Variants in MTMR1 observed in about 807,000 individuals in gnomAD.
The protein encoded by MTMR1 is myotubularin related protein 1.
MTMR1 carries 17 observed loss-of-function variants against 51.6 expected under a neutral mutation model. The ratio of observed to expected loss-of-function variants is 0.33; its 90% CI spans 0.23 to 0.49. The LOEUF is 0.49. Ranked by LOEUF, MTMR1 falls within the 20% of genes least tolerant of loss-of-function variation. The pLI is 0.99. For synonymous variants in MTMR1, 201 were observed against 205.6 expected (o/e 0.98, Z 0.19); for missense variants, 386 against 526.9 (o/e 0.73, Z 2.62).
chrX:150,759,461 T>C (rs1466652206), intron 15 of MTMR1, among the ~76,000 whole-genome samples: 4 of 109,038 alleles, frequency 3.7e-5, no homozygotes, highest in African/African-American at 1.3e-4. Flanking sequence ...ATGCCTGATC[T>C]GGAGTGCCTT....
rs2043247602 is a variant in MTMR1 at position 150,764,810 on chromosome X, G to A, written c.*2081G>A. On this transcript the variant is annotated 3_prime_UTR_variant, in exon 16 of 16. Transcript: ENST00000445323. ...CAATTTTTGTTTTAAGTAAGTAAGTGTACTAGAATGCGAAGCCGTTATGGT... is the reference window on the plus strand; with the variant it reads ...CAATTTTTGTTTTAAGTAAGTAAGTATACTAGAATGCGAAGCCGTTATGGT... The A allele has an allele frequency of 8.9e-6, 1 of 112,816 alleles. No homozygotes were observed. Among genetic ancestry groups the A allele is most frequent in the South Asian group, 3.6e-4 (1 of 2,793 alleles). The allele number at this position is 112,816 out of a possible 1,213,427, so 9.3% of individuals were successfully genotyped here. A position where few individuals can be genotyped will look rare whatever the true frequency, so the allele number is the denominator to read the frequency against.
At chrX:150,734,872 A>T (rs1350818669) in intron 10 of MTMR1, among the ~76,000 whole-genome samples, 1 of 112,249 alleles carries the variant, frequency 8.9e-6, no homozygotes, top group Non-Finnish European at 1.9e-5. Context: ...GGATTGAAAA[A>T]TGTCTCCCAA....
intron 4 of MTMR1, among the ~76,000 whole-genome samples, chrX:150,723,818 G>A (rs1557416665): frequency 9.0e-6 from 1 of 111,690 alleles, no homozygotes; most frequent in Admixed American, 9.5e-5. Flanking sequence ...CCACTTATAA[G>A]TGAGAACCTA....
intron 13 of MTMR1, among the ~76,000 whole-genome samples, chrX:150,745,734 G>A (rs2042559371): frequency 8.9e-6 from 1 of 112,193 alleles, no homozygotes; most frequent in African/African-American, 3.2e-5. Flanking sequence ...CTGGAGACAG[G>A]CTTAGGTGTG....
intron 3 of MTMR1, 127 bp downstream of exon 3, chrX:150,712,492 C>A: frequency 4.8e-6 from 3 of 629,478 alleles, no homozygotes; most frequent in Non-Finnish European, 7.3e-6. Flanking sequence ...GATCAATTTG[C>A]TCTGCTGTGT....
At position 150,736,748 on chromosome X, in the gene MTMR1, G is replaced by A. The variant is rs782533768; in HGVS notation, c.1234G>A (p.Val412Met). The A allele has an allele frequency of 7.4e-6, 9 of 1,208,847 alleles. No individual in the cohort carries two copies. The African/African-American group carries it at 1.0e-4, about 14-fold the overall frequency. ...SIDEARWLSNVDGTHWLEYIR... is the reference protein window; with the variant it reads ...SIDEARWLSNMDGTHWLEYIR... ...CGATGAGGCGCGGTGGCTCTCCAAT[G>A]TGGATGGGACGCATTGGCTGGAATA... is the stretch of plus-strand genomic sequence containing the variant. The change falls in exon 11 of 16, where the codon GTG (valine) becomes ATG (methionine). Residue 412 changes from valine (V) to methionine (M), a missense_variant. Val to Met is a conservative substitution (Grantham distance 21). Coordinates refer to ENST00000445323, the MANE Select transcript of MTMR1 (RefSeq NM_001306144.3).
At chrX:150,701,556 A>G (rs1428090027) in intron 2 of MTMR1, among the ~76,000 whole-genome samples, 1 of 112,400 alleles carries the variant, frequency 8.9e-6, no homozygotes, top group African/African-American at 3.2e-5. Flanking sequence ...TGAAATGCTG[A>G]TTGTCTTCTG....
At chrX:150,751,087 G>A (rs921910489) in intron 14 of MTMR1, 9 of 1,104,672 alleles carry the variant, frequency 8.1e-6, no homozygotes, top group Non-Finnish European at 1.1e-5. Flanking sequence ...ATGAGTGCTA[G>A]ACCCTGGACC....
intron 4 of MTMR1, among the ~76,000 whole-genome samples, chrX:150,723,624 T>C (rs1557416656): frequency 8.9e-6 from 1 of 112,008 alleles, no homozygotes. Flanking sequence ...TACATGTGCA[T>C]ATAGGTAAAC....
Position 150,731,563 on chromosome X carries a change from G to A in MTMR1, c.835G>A (p.Val279Ile), listed in dbSNP as rs782542432. ...YPAIIVVPTSVKDDDLSKVAA... is the reference protein window; with the variant it reads ...YPAIIVVPTSIKDDDLSKVAA... ...TGCCATCATTGTTGTGCCAACTAGT[G>A]TAAAAGATGATGACCTTTCAAAAGT... is the stretch of plus-strand genomic sequence containing the variant. The change falls in exon 9 of 16, where the codon GTA (valine) becomes ATA (isoleucine). Residue 279 changes from valine to isoleucine, a missense_variant. By Grantham distance (29) the Val-to-Ile change is conservative. Coordinates refer to ENST00000445323, the MANE Select transcript of MTMR1 (RefSeq NM_001306144.3). 1.7e-6 allele frequency: 2 copies of A among 1,208,430 alleles called. No homozygotes were observed. The highest frequency in any genetic ancestry group is 2.2e-6 in the Non-Finnish European group (2 of 893,646).
Position 150,764,613 on chromosome X carries a change from G to GGAGT in MTMR1, c.*1886_*1889dup, listed in dbSNP as rs1440615644. ...GCCAAGTTGGGGGGAGCTGGTGCCTGGAGTGGGCCCTGTGCACCTCACCTG... is the reference window on the plus strand; with the variant it reads ...GCCAAGTTGGGGGGAGCTGGTGCCTGGAGTGAGTGGGCCCTGTGCACCTCACCTG... On this transcript the variant is annotated 3_prime_UTR_variant, in exon 16 of 16. Transcript: ENST00000445323. 3.1e-5 allele frequency: 3 copies of GGAGT among 95,666 alleles called. No individual in the cohort carries two copies. Among genetic ancestry groups the GGAGT allele is most frequent in the African/African-American group, 1.2e-4 (3 of 25,518 alleles). 7.9% of individuals were successfully genotyped at this position (95,666 alleles called of 1,213,427 possible).
intron 2 of MTMR1, among the ~76,000 whole-genome samples, chrX:150,706,664 C>T (rs1557416077): frequency 8.9e-6 from 1 of 111,785 alleles, no homozygotes; most frequent in African/African-American, 3.3e-5. Flanking sequence ...TTGGATGATT[C>T]AATATAGGGA....
chrX:150,756,553 G>C, intron 15 of MTMR1, among the ~76,000 whole-genome samples: 1 of 111,974 alleles, frequency 8.9e-6, no homozygotes, highest in East Asian at 2.8e-4. Context: ...TCTCCACATG[G>C]GTGGCCAGGG....
intron 10 of MTMR1, 25 bp from the exon 11 acceptor site, chrX:150,736,570 G>A: frequency 8.4e-7 from 1 of 1,184,817 alleles, no homozygotes; most frequent in Non-Finnish European, 1.1e-6. Context: ...CAGATAATGT[G>A]ATGTATTTGT....
intron 12 of MTMR1, among the ~76,000 whole-genome samples, chrX:150,740,277 G>A (rs1408263996): frequency 3.6e-5 from 4 of 111,082 alleles, no homozygotes; most frequent in African/African-American, 6.6e-5. Flanking sequence ...CACAATGCCC[G>A]CCCCCCCACA....
rs2042119284 is a variant in MTMR1, at chrX:150,731,601, A to G, written c.873A>G (p.Arg291=). 1 of 1,203,958 alleles carries G rather than the reference A, an allele frequency of 8.3e-7. No individual in the cohort carries two copies. The highest frequency in any genetic ancestry group is 1.7e-5 in the African/African-American group (1 of 57,686). ...DDDLSKVAAF[R]AKGRVPVLSW... ...ACCTTTCAAAAGTGGCAGCTTTTCG[A>G]GCAAAAGGCAGAGTCCCTGTAAGTA... The change falls in exon 9 of 16, where the codon CGA becomes CGG. Residue 291 remains arginine (R), a synonymous_variant. Coordinates refer to ENST00000445323, the MANE Select transcript of MTMR1 (RefSeq NM_001306144.3).
At position 150,750,855 on chromosome X, in the gene MTMR1, G is replaced by T; in HGVS notation, c.1680+12G>T. The stretch of plus-strand genomic sequence containing the variant: ...AGCGATTCAAAGAGGTGAGTATGCT[G>T]CATCCTTGTCTGTTGCTTTCCCTGT... On this transcript the variant is annotated intron_variant, in intron 14 of 15. Transcript: ENST00000445323. The T allele has an allele frequency of 8.7e-7, 1 of 1,153,216 alleles. No homozygotes were observed. Among genetic ancestry groups the T allele is most frequent in the Non-Finnish European group, 1.2e-6 (1 of 845,509 alleles).
chrX:150,716,157 T>C (rs2041505427), intron 3 of MTMR1, among the ~76,000 whole-genome samples: 1 of 112,927 alleles, frequency 8.9e-6, no homozygotes, highest in African/African-American at 3.2e-5. Flanking sequence ...TTTTAACATA[T>C]AAGAAACTTA....
At chrX:150,718,831 T>C in intron 4 of MTMR1, 131 bp downstream of exon 4, 1 of 564,719 alleles carries the variant, frequency 1.8e-6, no homozygotes, top group Non-Finnish European at 2.7e-6. Context: ...GGACTAGATC[T>C]ATTCATCCTC....
Sources: allele counts gnomAD v4.1 joint callset (sites outside exome capture counted in the v4.1 genomes callset), GRCh38; gene constraint gnomAD v4.1.1; transcripts MANE v1.5; gene names NCBI Gene and HGNC (gene_info 2026-07-23, HGNC 2026-07-21).